MCF2L2: variants seen among roughly 807,000 people sequenced by gnomAD.
MCF2L2 encodes probable guanine nucleotide exchange factor MCF2L2.
In MCF2L2, 102 loss-of-function variants were observed where a neutral mutation model predicts 150.2. The observed-to-expected ratio is 0.68, with a 90% CI of 0.58 to 0.80. MCF2L2 has a LOEUF of 0.80. Ranked by LOEUF, MCF2L2 falls within the 30% of genes least tolerant of loss-of-function variation. MCF2L2 has a pLI of 0.00. For missense variants in MCF2L2, 1,256 were observed against 1,372.8 expected, an observed-to-expected ratio of 0.91 and a Z score of 1.34; for synonymous variants, 465 against 491.3, an observed-to-expected ratio of 0.95 and a Z score of 0.71.
intron 1 of MCF2L2, among the ~76,000 whole-genome samples, 166 bp downstream of exon 1, chr3:183,427,736 C>T (rs1716240789): frequency 6.6e-6 from 1 of 151,952 alleles, no homozygotes; most frequent in South Asian, 2.1e-4. Flanking sequence ...ATGCCCCCCG[C>T]TGGGCACCGC....
At chr3:183,404,467 T>G (rs1413194798) in intron 1 of MCF2L2, among the ~76,000 whole-genome samples, 1 of 152,228 alleles carries the variant, frequency 6.6e-6, no homozygotes, top group Non-Finnish European at 1.5e-5. Flanking sequence ...CCACATCCTG[T>G]TGATGGGTGT....
At chr3:183,343,339 T>A (rs1474569952) in intron 3 of MCF2L2, among the ~76,000 whole-genome samples, 3 of 151,732 alleles carry the variant, frequency 2.0e-5, no homozygotes, top group Admixed American at 2.0e-4. Context: ...AATGAATGAA[T>A]CTGAAGGGAA....
intron 15 of MCF2L2, among the ~76,000 whole-genome samples, chr3:183,274,032 T>C (rs574599388): frequency 6.6e-6 from 1 of 152,240 alleles, no homozygotes; most frequent in Admixed American, 6.5e-5. Context: ...CTGGCCAACA[T>C]GGTGAAACCC....
chr3:183,341,414 C>T (rs1023033689), intron 4 of MCF2L2, 126 bp downstream of exon 4: 4 of 704,844 alleles, frequency 5.7e-6, no homozygotes, highest in Non-Finnish European at 9.9e-6. Context: ...ATAACAGCAC[C>T]TGTTACAAAG....
chr3:183,294,135 T>C (rs1398443365), intron 13 of MCF2L2, among the ~76,000 whole-genome samples: 1 of 152,116 alleles, frequency 6.6e-6, no homozygotes, highest in African/African-American at 2.4e-5. Flanking sequence ...AAGAACAACG[T>C]TGGAACATCG....
intron 15 of MCF2L2, among the ~76,000 whole-genome samples, chr3:183,261,544 A>T (rs1004020219): frequency 6.6e-6 from 1 of 152,190 alleles, no homozygotes; most frequent in South Asian, 2.1e-4. Context: ...GAGGAGCCTT[A>T]TATAGTCTAC....
In MCF2L2 at chr3:183,342,934, A is replaced by G. The variant is rs144053335; in HGVS notation, c.276-1304T>C. ...GTCTAAGCAAAACCTGCAGGAAAAC[A>G]TAAGAAGCTAATCTCAGTTAAGCAT... On this transcript the variant is annotated intron_variant, in intron 3 of 29. Coordinates refer to ENST00000328913, the MANE Select transcript of MCF2L2 (RefSeq NM_015078.4). 3.4e-3 allele frequency among the ~76,000 whole-genome samples: 514 copies of G among 152,278 alleles called. 4 individuals are homozygous for G. Among genetic ancestry groups the G allele is most frequent in the Middle Eastern group, 0.017 (5 of 294 alleles).
chr3:183,216,309 G>A (rs1451584979), intron 21 of MCF2L2, among the ~76,000 whole-genome samples: 2 of 150,708 alleles, frequency 1.3e-5, no homozygotes, highest in Non-Finnish European at 2.9e-5. Flanking sequence ...CTACCTCTGT[G>A]CATTGTACTA....
chr3:183,416,636 C>T (rs191611507), intron 1 of MCF2L2, among the ~76,000 whole-genome samples: 1 of 152,150 alleles, frequency 6.6e-6, no homozygotes, highest in African/African-American at 2.4e-5. Context: ...TATAATGTTG[C>T]AAAAGCAATA....
At chr3:183,425,326 G>A (rs1321072684) in intron 1 of MCF2L2, among the ~76,000 whole-genome samples, 6 of 152,106 alleles carry the variant, frequency 3.9e-5, no homozygotes, top group Non-Finnish European at 5.9e-5. Flanking sequence ...AGTGACTCAG[G>A]GTCAGAGGAG....
chr3:183,359,519 A>G (rs1007038886), intron 3 of MCF2L2, among the ~76,000 whole-genome samples: 1 of 152,258 alleles, frequency 6.6e-6, no homozygotes, highest in Non-Finnish European at 1.5e-5. Flanking sequence ...CTATGGCCAT[A>G]TCACCTTGAA....
intron 18 of MCF2L2, chr3:183,226,111 T>C (rs139068014): frequency 6.6e-6 from 1 of 152,320 alleles, no homozygotes; most frequent in African/African-American, 2.4e-5. Flanking sequence ...ATATAGAACA[T>C]GGTCTCTGGA....
At chr3:183,329,222 C>T (rs576549992) in intron 5 of MCF2L2, among the ~76,000 whole-genome samples, 5 of 152,212 alleles carry the variant, frequency 3.3e-5, no homozygotes, top group African/African-American at 9.6e-5. Flanking sequence ...TTTGAGACAG[C>T]GTCTCGCTCT....
chr3:183,216,497 T>A (rs1481923487), intron 21 of MCF2L2, among the ~76,000 whole-genome samples: 1 of 135,000 alleles, frequency 7.4e-6, no homozygotes, highest in Non-Finnish European at 1.5e-5. Context: ...TATATATTAA[T>A]TATATATATT....
intron 25 of MCF2L2, among the ~76,000 whole-genome samples, chr3:183,198,668 C>T (rs1722154764): frequency 1.3e-5 from 2 of 152,148 alleles, no homozygotes; most frequent in African/African-American, 4.8e-5. Context: ...AAATGTATGT[C>T]CCCAGGACTA....
chr3:183,188,311 C>G (rs992226156), intron 27 of MCF2L2, among the ~76,000 whole-genome samples: 16 of 152,160 alleles, frequency 1.1e-4, no homozygotes, highest in African/African-American at 3.9e-4. Context: ...AAGCATCTCC[C>G]TTGTTGAGAC....
chr3:183,328,187 C>G (rs578140385), intron 5 of MCF2L2, among the ~76,000 whole-genome samples: 1 of 152,266 alleles, frequency 6.6e-6, no homozygotes, highest in African/African-American at 2.4e-5. Flanking sequence ...TCTGTGCACC[C>G]CACACACCTT....
rs1031732207 is a variant in MCF2L2, at chr3:183,278,892, T to C, written c.1777-1935A>G. Among the ~76,000 whole-genome samples, 4 of 152,348 alleles carry C rather than the reference T, an allele frequency of 2.6e-5. No homozygotes were observed. In the East Asian group the frequency reaches 7.7e-4, roughly 29 times the overall value. ...TCATGCATGAGATGCCCTCAGGAGC[T>C]TGCAGAAATGCCTTGGCACGTTGCT... is the stretch of plus-strand genomic sequence containing the variant. On this transcript the variant is annotated intron_variant, in intron 14 of 29. Transcript: ENST00000328913.
At chr3:183,297,416 A>G in intron 11 of MCF2L2, 2 of 436,702 alleles carry the variant, frequency 4.6e-6, no homozygotes, top group East Asian at 8.5e-5. Context: ...AGTCTCTTCC[A>G]TTAACAGTAA....
Sources: allele counts gnomAD v4.1 joint callset (sites outside exome capture counted in the v4.1 genomes callset), GRCh38; gene constraint gnomAD v4.1.1; transcripts MANE v1.5; gene names NCBI Gene and HGNC (gene_info 2026-07-23, HGNC 2026-07-21).